The following CFAP299 variants were observed in gnomAD, a reference collection of about 807,000 sequenced individuals.
CFAP299 encodes cilia and flagella associated protein 299.
In CFAP299, 21 loss-of-function variants were observed where a neutral mutation model predicts 27.0. The observed-to-expected ratio is 0.78, with a 90% confidence interval of 0.55 to 1.12. The LOEUF (loss-of-function observed/expected upper bound fraction) is 1.12, where lower values mean the gene tolerates loss of function less well. CFAP299 is among the 50% of genes most tolerant of loss of function. The probability of loss-of-function intolerance (pLI) is 0.00; values close to 1 mark genes in which losing one functional copy is unlikely to be tolerated. For missense variants in CFAP299, 310 were observed against 276.6 expected, an observed-to-expected ratio of 1.12 and a Z score of -0.86; for synonymous variants, 104 against 98.1, an observed-to-expected ratio of 1.06 and a Z score of -0.36.
intron 2 of CFAP299, among the ~76,000 whole-genome samples, chr4:80,371,638 A>G (rs1014594049): frequency 2.0e-5 from 3 of 152,210 alleles, no homozygotes; most frequent in African/African-American, 4.8e-5. Flanking sequence ...TTCTCAAATT[A>G]AAAGTTCCAC....
chr4:80,429,222 CTCTT>C (rs1475920517), intron 2 of CFAP299, among the ~76,000 whole-genome samples: 1 of 152,158 alleles, frequency 6.6e-6, no homozygotes. Flanking sequence ...ATAATATTAA[CTCTT>C]TATTAGCCTT....
At chr4:80,963,409 T>C in intron 5 of CFAP299, 108 bp from the exon 6 acceptor site, 3 of 669,018 alleles carry the variant, frequency 4.5e-6, no homozygotes, top group Non-Finnish European at 7.7e-6. Flanking sequence ...GGAAACAAAC[T>C]TGCTAGTTTT....
At chr4:80,693,253 T>C (rs1299911063) in intron 3 of CFAP299, among the ~76,000 whole-genome samples, 9 of 152,112 alleles carry the variant, frequency 5.9e-5, no homozygotes, top group Admixed American at 5.9e-4. Flanking sequence ...TACACGTATG[T>C]TTATTGTGGC....
intron 2 of CFAP299, among the ~76,000 whole-genome samples, chr4:80,437,368 G>A (rs954913798): frequency 6.6e-6 from 1 of 152,100 alleles, no homozygotes; most frequent in Non-Finnish European, 1.5e-5. Flanking sequence ...TAATGAATGC[G>A]GCAGGAGACC....
chr4:80,570,886 G>A (rs1040756016), intron 2 of CFAP299, among the ~76,000 whole-genome samples: 2 of 152,116 alleles, frequency 1.3e-5, no homozygotes, highest in Non-Finnish European at 2.9e-5. Flanking sequence ...ATGAGGTACA[G>A]CTACATGCAC....
chr4:80,571,438 C>G (rs1268397343), intron 2 of CFAP299, among the ~76,000 whole-genome samples: 1 of 151,652 alleles, frequency 6.6e-6, no homozygotes, highest in Non-Finnish European at 1.5e-5. Context: ...TGAAAATGCT[C>G]TAATTTAGCT....
Position 80,492,447 on chromosome 4 carries a change from TG to T in CFAP299, c.243-90645del, listed in dbSNP as rs1360196421. Reference sequence around the variant, plus strand: ...TAAATAAACATATGATGGCTCATCATGATAAGCTAGCAGTTTTGAGGATCCA... The same window carrying T: ...TAAATAAACATATGATGGCTCATCATATAAGCTAGCAGTTTTGAGGATCCA... On this transcript the variant is annotated intron_variant, in intron 2 of 5. Coordinates refer to ENST00000358105, the MANE Select transcript of CFAP299 (RefSeq NM_152770.3). Among the ~76,000 whole-genome samples, 4 of 152,220 alleles carry T rather than the reference TG, an allele frequency of 2.6e-5. No individual in the cohort carries two copies. In the East Asian group the frequency reaches 7.7e-4, roughly 29 times the overall value.
At chr4:80,333,370 C>G (rs1158401807), upstream of CFAP299, among the ~76,000 whole-genome samples, 1 of 152,146 alleles carries the variant, frequency 6.6e-6, no homozygotes, top group African/African-American at 2.4e-5. Context: ...CTAGGCAACA[C>G]CAGACACAAA....
chr4:80,666,168 G>A (rs900794159), intron 3 of CFAP299, among the ~76,000 whole-genome samples: 12 of 151,994 alleles, frequency 7.9e-5, no homozygotes, highest in Admixed American at 2.6e-4. Flanking sequence ...CATCATTTAC[G>A]TTTTTGTCTT....
At chr4:80,895,575 G>A (rs1456142039) in intron 4 of CFAP299, among the ~76,000 whole-genome samples, 7 of 152,032 alleles carry the variant, frequency 4.6e-5, no homozygotes, top group South Asian at 2.1e-4. Flanking sequence ...ATAATTTGAA[G>A]GATGCAGAGC....
intron 2 of CFAP299, chr4:80,387,037 G>C: frequency 2.0e-5 from 27 of 1,361,656 alleles, no homozygotes; most frequent in Non-Finnish European, 2.8e-5. Flanking sequence ...CGTTCACAAG[G>C]AAACACCTTC....
intron 3 of CFAP299, among the ~76,000 whole-genome samples, chr4:80,800,773 A>ATGTATG (rs1363927818): frequency 4.4e-5 from 6 of 135,064 alleles, no homozygotes; most frequent in African/African-American, 1.7e-4. Flanking sequence ...GTGTGTATAT[A>ATGTATG]TATATATGTA....
the CFAP299 span, among the ~76,000 whole-genome samples, chr4:80,329,769 C>G: frequency 6.6e-6 from 1 of 151,900 alleles, no homozygotes; most frequent in African/African-American, 2.4e-5. Flanking sequence ...GAGTACCTGA[C>G]GAGCTTTGAT....
intron 2 of CFAP299, among the ~76,000 whole-genome samples, chr4:80,458,303 G>T (rs962420627): frequency 2.6e-5 from 4 of 152,162 alleles, no homozygotes; most frequent in Non-Finnish European, 5.9e-5. Flanking sequence ...GAAGAATCTA[G>T]TTCCGTGTCT....
At chr4:80,526,358 A>G (rs1403650145) in intron 2 of CFAP299, among the ~76,000 whole-genome samples, 4 of 152,298 alleles carry the variant, frequency 2.6e-5, no homozygotes, top group Non-Finnish European at 4.4e-5. Flanking sequence ...TCTCTTCCTC[A>G]GGACCTCAGC....
intron 4 of CFAP299, among the ~76,000 whole-genome samples, chr4:80,887,570 G>A (rs1006548028): frequency 3.3e-5 from 5 of 152,108 alleles, no homozygotes; most frequent in Admixed American, 6.6e-5. Flanking sequence ...TGTCCTAGAA[G>A]AAATGCTAAA....
At chr4:80,493,985 CA>C (rs1424934487) in intron 2 of CFAP299, among the ~76,000 whole-genome samples, 23 of 151,732 alleles carry the variant, frequency 1.5e-4, no homozygotes, top group African/African-American at 5.6e-4. Context: ...CCTTGTTAGC[CA>C]GGATGGTCTC....
At chr4:80,857,855 G>A (rs1732022625) in intron 3 of CFAP299, among the ~76,000 whole-genome samples, 1 of 152,168 alleles carries the variant, frequency 6.6e-6, no homozygotes, top group Admixed American at 6.5e-5. Context: ...AAGGATATTG[G>A]TCTAAAATTC....
Position 80,474,168 on chromosome 4 carries a change from T to C in CFAP299, c.243-108925T>C, listed in dbSNP as rs192905687. On this transcript the variant is annotated intron_variant, in intron 2 of 5. Coordinates refer to ENST00000358105, the MANE Select transcript of CFAP299 (RefSeq NM_152770.3). Reference sequence around the variant, plus strand: ...GGACACTAATATTTGAACAAAATTTTATCTAATAAATGTGATTTTATATAT... The same window carrying C: ...GGACACTAATATTTGAACAAAATTTCATCTAATAAATGTGATTTTATATAT... Among the ~76,000 whole-genome samples, 121 of 152,348 alleles carry C rather than the reference T, an allele frequency of 7.9e-4. 1 individual carries two copies. Among genetic ancestry groups the C allele is most frequent in the African/African-American group, 2.8e-3 (117 of 41,588 alleles).
Sources: gnomAD v4.1 joint callset for allele counts (sites outside exome capture counted in the v4.1 genomes callset) on GRCh38, gnomAD v4.1.1 for gene constraint, MANE v1.5 for transcripts, NCBI Gene and HGNC (gene_info 2026-07-23, HGNC 2026-07-21) for gene names.